GLIS3: variants seen among roughly 807,000 people sequenced by gnomAD.
GLIS3 encodes the protein zinc finger protein GLIS3.
In GLIS3, 53 loss-of-function variants were observed where a neutral mutation model predicts 78.6. The ratio of observed to expected loss-of-function variants is 0.67; its 90% confidence interval spans 0.54 to 0.85. GLIS3 has a LOEUF of 0.85. Ranked by LOEUF, GLIS3 falls within the 40% of genes least tolerant of loss-of-function variation. GLIS3 has a pLI of 0.00. For missense variants in GLIS3, 1,703 were observed against 1,231.1 expected, an observed-to-expected ratio of 1.38 and a Z score of -5.74; for synonymous variants, 684 against 509.9, an observed-to-expected ratio of 1.34 and a Z score of -4.60.
chr9:3,966,055 G>A (rs1473958081), intron 4 of GLIS3, among the ~76,000 whole-genome samples: 2 of 152,176 alleles, frequency 1.3e-5, no homozygotes. Context: ...GAAAACTCAG[G>A]TTAAAAATGT....
rs191713693 is a variant in GLIS3 at position 3,840,623 on chromosome 9, T to C, written c.2474-11131A>G. On this transcript the variant is annotated intron_variant, in intron 9 of 10. Transcript: ENST00000381971. ...GGAAATAATAACCCTGAAAATTCCA[T>C]TGAGGCACATTTCTTTTGAAGGAAC... 6.6e-3 allele frequency among the ~76,000 whole-genome samples: 1,004 copies of C among 152,324 alleles called. 7 individuals are homozygous for C. Among genetic ancestry groups the C allele is most frequent in the Middle Eastern group, 0.017 (5 of 294 alleles).
chr9:4,300,014 G>C lies in GLIS3; in HGVS notation c.-692C>G, dbSNP rs1816988825. On this transcript the variant is annotated 5_prime_UTR_variant, in exon 1 of 11. Transcript: ENST00000381971. ...GTGTGGACGCGGCTGCAGGGAGAGG[G>C]GAAGGGGGAAGAGGGAGGGAGGAAG... is the stretch of plus-strand genomic sequence containing the variant. 6.6e-6 allele frequency: 1 copy of C among 152,348 alleles called. No individual in the cohort carries two copies. Among genetic ancestry groups the C allele is most frequent in the South Asian group, 2.1e-4 (1 of 4,832 alleles). The allele number at this position is 152,348 out of a possible 1,614,324, so 9.4% of individuals were successfully genotyped here.
the GLIS3 span, among the ~76,000 whole-genome samples, chr9:4,450,904 T>G: frequency 3.3e-5 from 5 of 152,118 alleles, no homozygotes; most frequent in Admixed American, 6.6e-5. Flanking sequence ...CGTGCCAAAT[T>G]GTAAAGACCA....
intron 1 of GLIS3, among the ~76,000 whole-genome samples, chr9:4,295,447 T>C (rs1470548222): frequency 6.6e-6 from 1 of 152,216 alleles, no homozygotes; most frequent in Non-Finnish European, 1.5e-5. Context: ...GTTTCCATCA[T>C]CTTTAAAGGG....
intron 4 of GLIS3, among the ~76,000 whole-genome samples, chr9:3,963,769 G>A (rs578070350): frequency 2.0e-4 from 30 of 151,942 alleles, no homozygotes; most frequent in South Asian, 4.2e-4. Flanking sequence ...CTGAAGTGGC[G>A]TCAGGCCTCA....
intron 2 of GLIS3, among the ~76,000 whole-genome samples, chr9:4,194,641 C>G (rs1486521174): frequency 6.6e-6 from 1 of 152,122 alleles, no homozygotes; most frequent in Non-Finnish European, 1.5e-5. Context: ...CACCCCAAAT[C>G]CAAGGGAGGA....
intron 6 of GLIS3, among the ~76,000 whole-genome samples, chr9:3,920,165 G>A (rs994422687): frequency 3.3e-5 from 5 of 151,998 alleles, no homozygotes; most frequent in African/African-American, 7.2e-5. Context: ...CACCACACCC[G>A]GCTAATTTTT....
chr9:4,014,758 A>G (rs1242275701), intron 4 of GLIS3, among the ~76,000 whole-genome samples: 1 of 152,182 alleles, frequency 6.6e-6, no homozygotes, highest in Non-Finnish European at 1.5e-5. Flanking sequence ...TAGTACAGAA[A>G]TCACCTCGTC....
intron 2 of GLIS3, among the ~76,000 whole-genome samples, chr9:4,187,796 TTGTC>T (rs1275676794): frequency 1.2e-4 from 19 of 152,120 alleles, no homozygotes; most frequent in African/African-American, 4.1e-4. Flanking sequence ...GGCTCTCTGT[TTGTC>T]TGTTATTGGT....
intron 2 of GLIS3, among the ~76,000 whole-genome samples, chr9:4,173,565 C>T (rs1450105122): frequency 3.7e-3 from 4 of 1,086 alleles, no homozygotes; most frequent in Admixed American, 0.024. Context: ...TATAGATACA[C>T]ACACACACAC....
At chr9:4,260,185 C>A (rs897080447) in intron 2 of GLIS3, among the ~76,000 whole-genome samples, 12 of 152,212 alleles carry the variant, frequency 7.9e-5, no homozygotes, top group Admixed American at 7.9e-4. Flanking sequence ...GTAATCTTAG[C>A]ACTTTGGGAG....
intron 4 of GLIS3, among the ~76,000 whole-genome samples, chr9:4,022,258 T>C (rs566612942): frequency 3.9e-5 from 6 of 152,218 alleles, no homozygotes; most frequent in Non-Finnish European, 8.8e-5. Flanking sequence ...GGCTAGGAAA[T>C]GCTACAGCTT....
At chr9:4,389,747 G>A in the GLIS3 span, among the ~76,000 whole-genome samples, 1 of 152,176 alleles carries the variant, frequency 6.6e-6, no homozygotes, top group Non-Finnish European at 1.5e-5. Flanking sequence ...AGACATACAG[G>A]TGCCCAAGTG....
At chr9:4,087,815 T>C (rs1285383755) in intron 4 of GLIS3, among the ~76,000 whole-genome samples, 2 of 152,224 alleles carry the variant, frequency 1.3e-5, no homozygotes, top group African/African-American at 4.8e-5. Context: ...GCTTCCTCCA[T>C]GAAGCCTTCA....
At chr9:4,424,245 C>T in the GLIS3 span, among the ~76,000 whole-genome samples, 1 of 152,164 alleles carries the variant, frequency 6.6e-6, no homozygotes, top group African/African-American at 2.4e-5. Context: ...AGCTCTGCCC[C>T]TGATTTTCTT....
At chr9:3,836,899 C>T (rs532529092) in intron 9 of GLIS3, among the ~76,000 whole-genome samples, 5 of 152,218 alleles carry the variant, frequency 3.3e-5, no homozygotes, top group Admixed American at 1.3e-4. Flanking sequence ...AGGACAATCT[C>T]AGCATTCTGC....
the GLIS3 span, among the ~76,000 whole-genome samples, chr9:4,360,307 ATGTT>A: frequency 6.6e-6 from 1 of 152,178 alleles, no homozygotes; most frequent in Non-Finnish European, 1.5e-5. Flanking sequence ...GCGACTGACT[ATGTT>A]TGGTCATTAG....
chr9:4,437,928 T>C, the GLIS3 span, among the ~76,000 whole-genome samples: 1 of 152,224 alleles, frequency 6.6e-6, no homozygotes, highest in African/African-American at 2.4e-5. Flanking sequence ...AAATATGTGT[T>C]AATTGACTGT....
chr9:4,281,460 C>A (rs1208152758), intron 2 of GLIS3, among the ~76,000 whole-genome samples: 3 of 152,144 alleles, frequency 2.0e-5, no homozygotes, highest in African/African-American at 7.2e-5. Flanking sequence ...TCCCCAACTC[C>A]CAGCAACCAC....
Sources: gnomAD v4.1 joint callset for allele counts (sites outside exome capture counted in the v4.1 genomes callset) on GRCh38, gnomAD v4.1.1 for gene constraint, MANE v1.5 for transcripts, NCBI Gene and HGNC (gene_info 2026-07-23, HGNC 2026-07-21) for gene names.